The following KCNIP1 variants were observed in gnomAD, a reference collection of about 807,000 sequenced individuals.
The protein encoded by KCNIP1 is potassium voltage-gated channel interacting protein 1, also known as A-type potassium channel modulatory protein KCNIP1.
KCNIP1 carries 18 observed loss-of-function variants against 33.0 expected under a neutral mutation model. The ratio of observed to expected loss-of-function variants is 0.55; its 90% confidence interval spans 0.38 to 0.81. KCNIP1 has a LOEUF of 0.81. Ranked by LOEUF, KCNIP1 falls within the 30% of genes least tolerant of loss-of-function variation. The pLI is 0.00. For synonymous variants in KCNIP1, 93 were observed against 98.3 expected (o/e 0.95, Z 0.32); for missense variants, 238 against 271.6 (o/e 0.88, Z 0.87).
intron 1 of KCNIP1, among the ~76,000 whole-genome samples, chr5:170,560,065 T>C (rs562160205): frequency 3.3e-5 from 5 of 152,268 alleles, no homozygotes; most frequent in Non-Finnish European, 7.4e-5. Flanking sequence ...TGCTGTGCAA[T>C]GTAGATGCTT....
At chr5:170,627,020 G>A (rs1003656039) in intron 1 of KCNIP1, among the ~76,000 whole-genome samples, 1 of 152,102 alleles carries the variant, frequency 6.6e-6, no homozygotes, top group Non-Finnish European at 1.5e-5. Context: ...TGCCTGCAGC[G>A]GTAGCCCTGG....
chr5:170,461,644 G>T (rs1308542579), intron 1 of KCNIP1, among the ~76,000 whole-genome samples: 2 of 151,996 alleles, frequency 1.3e-5, no homozygotes, highest in Non-Finnish European at 2.9e-5. Flanking sequence ...CAGCTACTCG[G>T]GAGGCTGAGG....
At chr5:170,370,944 G>A (rs1561588470) in intron 1 of KCNIP1, among the ~76,000 whole-genome samples, 1 of 152,226 alleles carries the variant, frequency 6.6e-6, no homozygotes, top group African/African-American at 2.4e-5. Context: ...GTTAACGATA[G>A]TAAAAGAGGA....
At chr5:170,638,038 G>GT (rs909460872) in intron 1 of KCNIP1, among the ~76,000 whole-genome samples, 8 of 135,250 alleles carry the variant, frequency 5.9e-5, no homozygotes, top group Non-Finnish European at 1.6e-5. Flanking sequence ...TGTCTGGGGG[G>GT]TGGGGGGTGG....
chr5:170,644,532 A>G (rs187336090), intron 1 of KCNIP1, among the ~76,000 whole-genome samples: 255 of 152,330 alleles, frequency 1.7e-3, no homozygotes, highest in African/African-American at 5.8e-3. Flanking sequence ...ATTTGTCCCC[A>G]TGGCCCCAGC....
chr5:170,706,050 A>G (rs1361510459), intron 1 of KCNIP1, among the ~76,000 whole-genome samples: 2 of 152,200 alleles, frequency 1.3e-5, no homozygotes, highest in Non-Finnish European at 2.9e-5. Flanking sequence ...TTCTAAAACT[A>G]TTACCATGCT....
chr5:170,609,227 C>A (rs1759050575), intron 1 of KCNIP1, among the ~76,000 whole-genome samples: 1 of 152,184 alleles, frequency 6.6e-6, no homozygotes, highest in Non-Finnish European at 1.5e-5. Context: ...GGGAGGTCAA[C>A]AGAGAGCAAT....
intron 1 of KCNIP1, among the ~76,000 whole-genome samples, chr5:170,663,347 TC>T (rs956615969): frequency 3.3e-4 from 50 of 152,156 alleles, no homozygotes; most frequent in African/African-American, 1.2e-3. Flanking sequence ...GAGGCTACTC[TC>T]CCACCGTGCT....
rs77782922 is a variant in KCNIP1, at chr5:170,490,449, A to G, written c.88+136485A>G. On this transcript the variant is annotated intron_variant, in intron 1 of 7. Transcript: ENST00000377360. ...GTTTACACAAATCTATGTGTGTGAT[A>G]AAATGACACAGAACTACACACATAC... Among the ~76,000 whole-genome samples the G allele has an allele frequency of 7.1e-3, 1,079 of 152,322 alleles. 14 individuals are homozygous for G. The highest frequency in any genetic ancestry group is 0.024 in the African/African-American group (1,010 of 41,568).
chr5:170,706,998 G>A (rs1345024262), intron 1 of KCNIP1, among the ~76,000 whole-genome samples: 1 of 152,060 alleles, frequency 6.6e-6, no homozygotes, highest in African/African-American at 2.4e-5. Context: ...GTCCAGCTGG[G>A]TTCAAAGGAG....
chr5:170,628,103 A>T (rs942452516), intron 1 of KCNIP1, among the ~76,000 whole-genome samples: 3 of 152,202 alleles, frequency 2.0e-5, no homozygotes, highest in Non-Finnish European at 2.9e-5. Flanking sequence ...AGTGACAGAG[A>T]CAGCATTGGA....
Position 170,489,175 on chromosome 5 carries a change from C to T in KCNIP1, c.88+135211C>T, listed in dbSNP as rs1387778568. Among the ~76,000 whole-genome samples the T allele has an allele frequency of 6.6e-6, 1 of 152,202 alleles. No individual in the cohort carries two copies. The stretch of plus-strand genomic sequence containing the variant: ...GGTGATGGAGCAGCCTGGGAGGCTG[C>T]AGGCACTGAAGGAAGAGGTAGGGGA... On this transcript the variant is annotated intron_variant, in intron 1 of 7. Coordinates refer to the KCNIP1 transcript ENST00000377360. The surrounding 1 kb of genome is among the most constrained non-coding windows in gnomAD (Gnocchi z 4.3).
intron 1 of KCNIP1, among the ~76,000 whole-genome samples, chr5:170,382,209 A>G (rs1027974898): frequency 7.2e-5 from 11 of 152,264 alleles, no homozygotes; most frequent in Non-Finnish European, 1.3e-4. Flanking sequence ...AACTCTGATC[A>G]TGCCCTAAAG....
At chr5:170,679,662 T>TGTGTGTGTGTG (rs1561760114) in intron 1 of KCNIP1, among the ~76,000 whole-genome samples, 1 of 151,070 alleles carries the variant, frequency 6.6e-6, no homozygotes, top group African/African-American at 2.4e-5. Context: ...TGTGTGTGTG[T>TGTGTGTGTGTG]TCCTTTCCAA....
intron 1 of KCNIP1, among the ~76,000 whole-genome samples, chr5:170,648,100 G>A (rs1275146456): frequency 6.6e-6 from 1 of 152,138 alleles, no homozygotes; most frequent in African/African-American, 2.4e-5. Flanking sequence ...TCATAGAATG[G>A]CCAATATCCA....
At chr5:170,476,952 A>G (rs575977075) in intron 1 of KCNIP1, among the ~76,000 whole-genome samples, 2 of 152,200 alleles carry the variant, frequency 1.3e-5, no homozygotes, top group East Asian at 1.9e-4. Context: ...AATGTAAACT[A>G]TAGACTTTGG....
At chr5:170,392,363 C>A (rs1754625686) in intron 1 of KCNIP1, among the ~76,000 whole-genome samples, 1 of 152,152 alleles carries the variant, frequency 6.6e-6, no homozygotes, top group South Asian at 2.1e-4. Flanking sequence ...TGTTTCATGC[C>A]CCTGCGTTTT....
intron 1 of KCNIP1, among the ~76,000 whole-genome samples, chr5:170,534,573 A>G (rs542590141): frequency 6.6e-6 from 1 of 152,288 alleles, no homozygotes; most frequent in African/African-American, 2.4e-5. Flanking sequence ...GATGGAGTGC[A>G]GTGATGTGAC....
At chr5:170,592,543 C>G (rs536363135) in intron 1 of KCNIP1, among the ~76,000 whole-genome samples, 3 of 152,352 alleles carry the variant, frequency 2.0e-5, no homozygotes, top group Non-Finnish European at 1.5e-5. Flanking sequence ...CTTATCTGCT[C>G]TCCTGCCTGT....
Sources: gnomAD v4.1 joint callset for allele counts (sites outside exome capture counted in the v4.1 genomes callset) on GRCh38, gnomAD v4.1.1 for gene constraint, Gnocchi (gnomAD v3.1) non-coding constraint, MANE v1.5 for transcripts, NCBI Gene and HGNC (gene_info 2026-07-23, HGNC 2026-07-21) for gene names.